The following GPATCH2 variants were observed in gnomAD, a reference collection of about 807,000 sequenced individuals.
GPATCH2 encodes G patch domain-containing protein 2.
GPATCH2 carries 51 observed loss-of-function variants against 58.0 expected under a neutral mutation model. The ratio of observed to expected loss-of-function variants is 0.88; its 90% CI spans 0.70 to 1.11. The LOEUF is 1.11. Ranked by LOEUF, GPATCH2 falls within the 50% of genes most tolerant of loss-of-function variation. The probability of loss-of-function intolerance (pLI) is 0.00; values close to 1 mark genes in which losing one functional copy is unlikely to be tolerated. For synonymous variants in GPATCH2, 222 were observed against 218.5 expected (o/e 1.02, Z -0.14); for missense variants, 625 against 652.2 (o/e 0.96, Z 0.45).
In GPATCH2 at chr1:217,441,759, C is replaced by A. The variant is rs181962718; in HGVS notation, c.1366+7490G>T. Among the ~76,000 whole-genome samples the A allele has an allele frequency of 2.3e-3, 352 of 152,298 alleles. 2 individuals are homozygous for A. The highest frequency in any genetic ancestry group is 8.2e-3 in the African/African-American group (340 of 41,564). On this transcript the variant is annotated intron_variant, in intron 9 of 9. Coordinates refer to ENST00000366935, the MANE Select transcript of GPATCH2 (RefSeq NM_018040.5). ...TGAAAAAAAGCTCATCATCACTGGT[C>A]ATTAGAGAAATGCAAATCAAAATCA...
At chr1:217,452,235 T>C (rs1466526624) in intron 8 of GPATCH2, among the ~76,000 whole-genome samples, 1 of 152,194 alleles carries the variant, frequency 6.6e-6, no homozygotes, top group African/African-American at 2.4e-5. Flanking sequence ...ATCTCAGTTA[T>C]AATAACTAAA....
intron 5 of GPATCH2, among the ~76,000 whole-genome samples, chr1:217,599,642 A>G (rs552223313): frequency 6.6e-6 from 1 of 152,282 alleles, no homozygotes; most frequent in African/African-American, 2.4e-5. Flanking sequence ...CAAATTTTGT[A>G]TCCCCAGCCC....
At chr1:217,540,493 T>C (rs1353252976) in intron 5 of GPATCH2, among the ~76,000 whole-genome samples, 1 of 152,246 alleles carries the variant, frequency 6.6e-6, no homozygotes, top group Non-Finnish European at 1.5e-5. Flanking sequence ...AATAGTCTTC[T>C]TGTGTTTTCA....
chr1:217,535,749 G>A (rs1664428516), intron 5 of GPATCH2, among the ~76,000 whole-genome samples: 1 of 152,166 alleles, frequency 6.6e-6, no homozygotes. Flanking sequence ...TTTGTTGAAT[G>A]AATAGACAAC....
intron 8 of GPATCH2, among the ~76,000 whole-genome samples, 198 bp from the exon 9 acceptor site, chr1:217,449,535 T>C (rs1305958830): frequency 6.6e-6 from 1 of 152,198 alleles, no homozygotes; most frequent in Non-Finnish European, 1.5e-5. Flanking sequence ...CCATCATAAA[T>C]TGTTACTGGA....
At position 217,491,741 on chromosome 1, in the gene GPATCH2, G is replaced by C; in HGVS notation, c.1216C>G (p.Leu406Val). Residue 406 changes from leucine (L) to valine (V), a missense_variant, in exon 8 of 10, where the codon CTG becomes GTG. Coordinates refer to ENST00000366935, the MANE Select transcript of GPATCH2 (RefSeq NM_018040.5). Reference protein sequence around the residue: ...ARTEHDQHQLLRDNRAERGHK... With the variant: ...ARTEHDQHQLVRDNRAERGHK... ...CCTCTTTCAGCTCGATTATCTCTCAGAAGCTGATGCTACACAAAGTGTTAA... is the reference window on the plus strand; with the variant it reads ...CCTCTTTCAGCTCGATTATCTCTCACAAGCTGATGCTACACAAAGTGTTAA... 7.1e-7 allele frequency: 1 copy of C among 1,399,954 alleles called. No individual in the cohort carries two copies. The highest frequency in any genetic ancestry group is 1.0e-6 in the Non-Finnish European group (1 of 1,000,132). The allele number at this position is 1,399,954 out of a possible 1,614,324, so 86.7% of individuals were successfully genotyped here.
intron 5 of GPATCH2, among the ~76,000 whole-genome samples, chr1:217,577,076 T>G (rs1221823395): frequency 6.6e-6 from 1 of 152,160 alleles, no homozygotes; most frequent in Admixed American, 6.5e-5. Flanking sequence ...TATTTTCACA[T>G]AAGAGTGCTA....
At chr1:217,514,771 G>A (rs1363354753) in intron 6 of GPATCH2, 51 bp downstream of exon 6, 14 of 808,422 alleles carry the variant, frequency 1.7e-5, no homozygotes, top group Middle Eastern at 2.2e-4. Context: ...TTTCCCAAAA[G>A]AGCTAAGTAG....
intron 5 of GPATCH2, chr1:217,608,945 T>C: frequency 3.0e-6 from 3 of 984,504 alleles, no homozygotes; most frequent in Non-Finnish European, 3.6e-6. Context: ...ATGCATTTGC[T>C]GAAATCTTTC....
intron 5 of GPATCH2, among the ~76,000 whole-genome samples, chr1:217,591,195 C>T: frequency 6.6e-6 from 1 of 151,656 alleles, no homozygotes; most frequent in East Asian, 1.9e-4. Context: ...TGAAATGGAA[C>T]ATATATATAT....
At chr1:217,576,873 G>T (rs1454064126) in intron 5 of GPATCH2, among the ~76,000 whole-genome samples, 1 of 152,182 alleles carries the variant, frequency 6.6e-6, no homozygotes, top group African/African-American at 2.4e-5. Flanking sequence ...ATGCGAAGGG[G>T]ATAAGGATTA....
chr1:217,436,284 C>G (rs1658828626), intron 9 of GPATCH2, among the ~76,000 whole-genome samples: 1 of 151,944 alleles, frequency 6.6e-6, no homozygotes, highest in Admixed American at 6.6e-5. Flanking sequence ...TTTTGGTCTT[C>G]CTACTAGAAA....
At chr1:217,591,337 C>T (rs1217717590) in intron 5 of GPATCH2, among the ~76,000 whole-genome samples, 2 of 151,856 alleles carry the variant, frequency 1.3e-5, no homozygotes, top group African/African-American at 2.4e-5. Context: ...GACTAATGGA[C>T]CTGTTTAAAA....
chr1:217,459,085 C>T (rs907258501), intron 8 of GPATCH2, among the ~76,000 whole-genome samples: 3 of 152,174 alleles, frequency 2.0e-5, no homozygotes, highest in African/African-American at 7.2e-5. Context: ...CTCAACATTT[C>T]AGGTGGTAAT....
At chr1:217,588,887 A>G (rs1667462491) in intron 5 of GPATCH2, among the ~76,000 whole-genome samples, 1 of 152,224 alleles carries the variant, frequency 6.6e-6, no homozygotes, top group African/African-American at 2.4e-5. Context: ...TGAACACATA[A>G]AACATTTTAA....
At chr1:217,585,008 A>T (rs1667271129) in intron 5 of GPATCH2, among the ~76,000 whole-genome samples, 1 of 152,256 alleles carries the variant, frequency 6.6e-6, no homozygotes, top group East Asian at 1.9e-4. Flanking sequence ...ATGAGGGCAG[A>T]TATGTTAATA....
Position 217,467,247 on chromosome 1 carries a change from A to G in GPATCH2, c.1278-17910T>C, listed in dbSNP as rs185813677. Among the ~76,000 whole-genome samples the G allele has an allele frequency of 2.1e-3, 327 of 152,326 alleles. 3 individuals carry two copies. The highest frequency in any genetic ancestry group is 7.2e-3 in the African/African-American group (298 of 41,584). On this transcript the variant is annotated intron_variant, in intron 8 of 9. Coordinates refer to ENST00000366935, the MANE Select transcript of GPATCH2 (RefSeq NM_018040.5). ...ACCAGGTAGAAGCGAGACTTCTTTG[A>G]AAATAACTGCTTGTGAAAATTTGAT...
At chr1:217,591,687 ACCCTAAACCT>A in intron 5 of GPATCH2, among the ~76,000 whole-genome samples, 1 of 152,200 alleles carries the variant, frequency 6.6e-6, no homozygotes, top group East Asian at 1.9e-4. Context: ...AATAGAGAAA[ACCCTAAACCT>A]TAGCAATACA....
chr1:217,607,153 C>T (rs927378026), intron 5 of GPATCH2, among the ~76,000 whole-genome samples: 3 of 152,142 alleles, frequency 2.0e-5, no homozygotes, highest in Non-Finnish European at 4.4e-5. Context: ...GGCCTGCCTG[C>T]TAAAATTTAT....
Sources: gnomAD v4.1 joint callset for allele counts (sites outside exome capture counted in the v4.1 genomes callset) on GRCh38, gnomAD v4.1.1 for gene constraint, MANE v1.5 for transcripts, NCBI Gene and HGNC (gene_info 2026-07-23, HGNC 2026-07-21) for gene names.